The following FAP variants were observed in gnomAD, a reference collection of about 807,000 sequenced individuals.
The protein encoded by FAP is fibroblast activation protein alpha, also known as prolyl endopeptidase FAP.
Under a neutral mutation model 126.5 loss-of-function variants are expected in FAP, and 110 were observed. The ratio of observed to expected loss-of-function variants is 0.87; its 90% CI spans 0.74 to 1.02. The LOEUF is 1.02. FAP is among the 50% of genes least tolerant of loss of function. The probability of loss-of-function intolerance (pLI) is 0.00; values close to 1 mark genes in which losing one functional copy is unlikely to be tolerated. For synonymous variants in FAP, 334 were observed against 297.3 expected (o/e 1.12, Z -1.27); for missense variants, 919 against 909.2 (o/e 1.01, Z -0.14).
At chr2:162,215,081 G>A (rs1275761359) in intron 10 of FAP, among the ~76,000 whole-genome samples, 1 of 152,140 alleles carries the variant, frequency 6.6e-6, no homozygotes. Flanking sequence ...CGATCAGGGT[G>A]GGGAATAGCA....
At chr2:162,232,998 C>T (rs532343595) in intron 2 of FAP, among the ~76,000 whole-genome samples, 1 of 152,244 alleles carries the variant, frequency 6.6e-6, no homozygotes, top group East Asian at 1.9e-4. Flanking sequence ...GGAAGAGCAA[C>T]TTTCCTAGGT....
intron 21 of FAP, among the ~76,000 whole-genome samples, chr2:162,178,766 G>A (rs183858091): frequency 6.6e-6 from 1 of 152,294 alleles, no homozygotes; most frequent in Non-Finnish European, 1.5e-5. Context: ...TTTGTTGGGT[G>A]CGATGTATTT....
At chr2:162,192,075 T>G (rs1364918637) in intron 17 of FAP, among the ~76,000 whole-genome samples, 1 of 152,122 alleles carries the variant, frequency 6.6e-6, no homozygotes, top group Non-Finnish European at 1.5e-5. Context: ...TCACATCCAC[T>G]CATACTCAAA....
At chr2:162,229,160 G>A (rs527264853) in intron 2 of FAP, among the ~76,000 whole-genome samples, 149 of 152,054 alleles carry the variant, frequency 9.8e-4, no homozygotes, top group Admixed American at 1.8e-3. Flanking sequence ...TTCCTTACTT[G>A]TGTTATGCTT....
chr2:162,243,337 T>C lies in FAP; in HGVS notation c.-10A>G. On this transcript the variant is annotated 5_prime_UTR_variant, in exon 1 of 26. Coordinates refer to ENST00000188790, the MANE Select transcript of FAP (RefSeq NM_004460.5). ...TTATACTAACCTTCATTTTTCCAGA[T>C]GTTTTTGAAAGTTAGCTAATTCTGT... 1 of 1,610,700 alleles carries C rather than the reference T, an allele frequency of 6.2e-7. No homozygotes were observed. The highest frequency in any genetic ancestry group is 8.5e-7 in the Non-Finnish European group (1 of 1,178,296).
intron 21 of FAP, among the ~76,000 whole-genome samples, chr2:162,177,497 G>A (rs1421162135): frequency 1.3e-5 from 2 of 151,972 alleles, no homozygotes; most frequent in African/African-American, 2.4e-5. Context: ...GCCTCAGGAC[G>A]TTTGCAAATG....
At chr2:162,199,557 C>T (rs867181208) in intron 15 of FAP, among the ~76,000 whole-genome samples, 1 of 152,162 alleles carries the variant, frequency 6.6e-6, no homozygotes, top group Non-Finnish European at 1.5e-5. Flanking sequence ...GACTCAGGGA[C>T]CTTATCCGAC....
chr2:162,240,528 T>A (rs1011275183), intron 2 of FAP, among the ~76,000 whole-genome samples: 4 of 152,208 alleles, frequency 2.6e-5, no homozygotes, highest in Admixed American at 2.0e-4. Flanking sequence ...GCAGAGGGAA[T>A]TCTAGACTGC....
At chr2:162,175,831 G>A (rs776290058) in intron 21 of FAP, 8 of 152,078 alleles carry the variant, frequency 5.3e-5, no homozygotes, top group South Asian at 2.1e-4. Flanking sequence ...GCACTGCCTC[G>A]TGAGAAGCAA....
intron 12 of FAP, among the ~76,000 whole-genome samples, chr2:162,207,791 A>G (rs1472385229): frequency 1.3e-5 from 2 of 151,200 alleles, no homozygotes; most frequent in African/African-American, 4.9e-5. Flanking sequence ...GCTCACTGCA[A>G]GCTCCGCCTC....
chr2:162,229,841 A>G (rs6713571), intron 2 of FAP, among the ~76,000 whole-genome samples: 2,156 of 137,290 alleles, frequency 0.016, 55 homozygotes, highest in African/African-American at 0.05. Flanking sequence ...ATCGATATAG[A>G]GAACGTAGCA....
In FAP at chr2:162,214,108, T is replaced by A. The variant is rs201045570; in HGVS notation, c.867-35A>T. The A allele has an allele frequency of 2.1e-4, 333 of 1,607,726 alleles. 1 individual carries two copies. Among genetic ancestry groups the A allele is most frequent in the Middle Eastern group, 5.0e-4 (3 of 6,054 alleles). On this transcript the variant is annotated intron_variant, in intron 10 of 25. Coordinates refer to ENST00000188790, the MANE Select transcript of FAP (RefSeq NM_004460.5). The stretch of plus-strand genomic sequence containing the variant: ...AAATAGAAACAGGTAGTCACAACCA[T>A]AAACCAGTTTCACACACAAATAATT...
At chr2:162,238,251 GTC>G (rs1690216987) in intron 2 of FAP, among the ~76,000 whole-genome samples, 3 of 152,026 alleles carry the variant, frequency 2.0e-5, no homozygotes, top group African/African-American at 7.3e-5. Flanking sequence ...CAGTTTGACT[GTC>G]TGTGGTTCTT....
intron 6 of FAP, among the ~76,000 whole-genome samples, chr2:162,222,225 A>G (rs770551994): frequency 1.3e-5 from 2 of 152,238 alleles, no homozygotes; most frequent in Non-Finnish European, 2.9e-5. Flanking sequence ...GGACTGAAAG[A>G]CTAAGATTCC....
chr2:162,235,155 C>A (rs1690068570), intron 2 of FAP, among the ~76,000 whole-genome samples: 1 of 151,696 alleles, frequency 6.6e-6, no homozygotes, highest in Non-Finnish European at 1.5e-5. Flanking sequence ...CCCCCGTCAC[C>A]CCCTCCGCAC....
intron 8 of FAP, 46 bp from the exon 9 acceptor site, chr2:162,218,186 T>C (rs1168549261): frequency 6.2e-6 from 8 of 1,286,332 alleles, no homozygotes; most frequent in African/African-American, 3.0e-5. Flanking sequence ...CATCTTACTC[T>C]TAAAATCATT....
chr2:162,201,782 G>T (rs1391096679), intron 14 of FAP, among the ~76,000 whole-genome samples: 3 of 152,174 alleles, frequency 2.0e-5, no homozygotes, highest in Non-Finnish European at 4.4e-5. Flanking sequence ...AGAAGGAGGT[G>T]CAGTTTTGTC....
intron 25 of FAP, 170 bp downstream of exon 25, chr2:162,172,641 T>G: frequency 1.7e-6 from 1 of 572,898 alleles, no homozygotes; most frequent in East Asian, 2.8e-5. Context: ...CCTCGGGTCC[T>G]TCAGTAGTTA....
At chr2:162,242,328 G>C (rs1291355226) in intron 2 of FAP, among the ~76,000 whole-genome samples, 1 of 152,086 alleles carries the variant, frequency 6.6e-6, no homozygotes, top group East Asian at 1.9e-4. Flanking sequence ...TTTGTAAAAG[G>C]ATCCAATTTA....
Sources: gnomAD v4.1 joint callset for allele counts (sites outside exome capture counted in the v4.1 genomes callset) on GRCh38, gnomAD v4.1.1 for gene constraint, MANE v1.5 for transcripts, NCBI Gene and HGNC (gene_info 2026-07-23, HGNC 2026-07-21) for gene names.